The following SV2B variants were observed in gnomAD, a reference collection of about 807,000 sequenced individuals.
SV2B encodes the protein solute carrier family 22 member B2.
In SV2B, 41 loss-of-function variants were observed where a neutral mutation model predicts 73.9. The observed-to-expected ratio is 0.56, with a 90% confidence interval of 0.43 to 0.72. The LOEUF (loss-of-function observed/expected upper bound fraction) is 0.72. Among genes scored for constraint, SV2B ranks in the 30% least tolerant of loss-of-function variants. SV2B has a pLI of 0.00. For missense variants in SV2B, 764 were observed against 857.8 expected, an observed-to-expected ratio of 0.89 and a Z score of 1.37; for synonymous variants, 314 against 314.2, an observed-to-expected ratio of 1.00 and a Z score of 0.01.
rs1484096553 is a variant in SV2B, at chr15:91,252,095, A to G, written c.632+96A>G. The G allele has an allele frequency of 8.2e-6, 12 of 1,467,924 alleles. No homozygotes were observed. Among genetic ancestry groups the G allele is most frequent in the Non-Finnish European group, 1.1e-5 (12 of 1,091,244 alleles). The allele number at this position is 1,467,924 out of a possible 1,614,324, so 90.9% of individuals were successfully genotyped here. ...AAGAGGTAACTCTAGAAACCCTTGG[A>G]CTGACTGAGTTTTTGTTTGACTTTC... On this transcript the variant is annotated intron_variant, in intron 3 of 12. Coordinates refer to ENST00000394232, the MANE Select transcript of SV2B (RefSeq NM_001323032.3). This position sits in a 1 kb window ranked among gnomAD's most constrained non-coding sequence, Gnocchi z 4.6.
chr15:91,111,947 G>C (rs1189810160), intron 1 of SV2B, among the ~76,000 whole-genome samples: 3 of 152,004 alleles, frequency 2.0e-5, no homozygotes, highest in African/African-American at 7.3e-5. Flanking sequence ...CAGCACCAAG[G>C]GAATGGTGCC....
intron 9 of SV2B, among the ~76,000 whole-genome samples, chr15:91,271,682 T>C (rs1325977604): frequency 6.6e-6 from 1 of 152,176 alleles, no homozygotes; most frequent in Admixed American, 6.5e-5. Flanking sequence ...ATTTTTCTCC[T>C]TGACTGGTTA....
At chr15:91,173,366 C>T (rs2044191725) in intron 1 of SV2B, among the ~76,000 whole-genome samples, 1 of 152,178 alleles carries the variant, frequency 6.6e-6, no homozygotes. Flanking sequence ...GGATTTGATT[C>T]TTGCTGCGTT....
chr15:91,292,522 G>A lies in SV2B; in HGVS notation c.2022G>A (p.Leu674=), dbSNP rs778360782. 10 of 1,613,942 alleles carry A rather than the reference G, an allele frequency of 6.2e-6. No individual in the cohort carries two copies. The highest frequency in any genetic ancestry group is 6.8e-6 in the Non-Finnish European group (8 of 1,179,976). ...LVGGGLIALR[L]PETREQVLM The stretch of plus-strand genomic sequence containing the variant: ...GGGGTGGCCTGATTGCCCTTCGACT[G>A]CCAGAGACTCGAGAACAGGTCCTGA... The change falls in exon 13 of 13, where the codon CTG becomes CTA. Residue 674 remains leucine, a synonymous_variant. Coordinates refer to ENST00000394232, the MANE Select transcript of SV2B (RefSeq NM_001323032.3).
intron 1 of SV2B, among the ~76,000 whole-genome samples, chr15:91,204,858 C>T (rs555060688): frequency 1.3e-5 from 2 of 152,010 alleles, no homozygotes; most frequent in African/African-American, 4.8e-5. Context: ...ACCTGGCCCA[C>T]GTACTTTCTT....
chr15:91,262,227 TA>T (rs1260968391), intron 6 of SV2B, among the ~76,000 whole-genome samples: 1 of 152,176 alleles, frequency 6.6e-6, no homozygotes. Flanking sequence ...TATATGTGGC[TA>T]TTGTAAGGAT....
rs2049106444 is a variant in SV2B at position 91,293,181 on chromosome 15, T to C, written c.*629T>C. The C allele has an allele frequency of 6.6e-6, 1 of 152,240 alleles. No individual in the cohort carries two copies. The highest frequency in any genetic ancestry group is 1.5e-5 in the Non-Finnish European group (1 of 68,044). 9.4% of individuals were successfully genotyped at this position (152,240 alleles called of 1,614,324 possible). A position where few individuals can be genotyped will look rare whatever the true frequency, so the allele number is the denominator to read the frequency against. ...TTTCCATGATAATTAGGTAATACAT[T>C]TAAGAAGGATATTTATTTCTGTTTT... On this transcript the variant is annotated 3_prime_UTR_variant, in exon 13 of 13. Transcript: ENST00000394232.
Position 91,232,398 on chromosome 15 carries a change from CAGA to C in SV2B, c.451+5685_451+5687del, listed in dbSNP as rs1341645017. ...GACTTAAAATGAAGGGCTCCCTTAG[CAGA>C]CGTACACGGATTGCTGTGTTTAGGA... On this transcript the variant is annotated intron_variant, in intron 2 of 12. Transcript: ENST00000394232. The surrounding 1 kb of genome is among the most constrained non-coding windows in gnomAD (Gnocchi z 4.7). Among the ~76,000 whole-genome samples the C allele has an allele frequency of 6.6e-6, 1 of 152,190 alleles. No homozygotes were observed. The highest frequency in any genetic ancestry group is 1.5e-5 in the Non-Finnish European group (1 of 68,024).
chr15:91,168,735 C>G (rs2044010119), intron 1 of SV2B, among the ~76,000 whole-genome samples: 1 of 152,146 alleles, frequency 6.6e-6, no homozygotes, highest in African/African-American at 2.4e-5. Flanking sequence ...CCCCAGCATG[C>G]CTGCTATTAC....
chr15:91,296,719 C>T lies in SV2B; in HGVS notation c.*4167C>T, dbSNP rs144459654. The T allele has an allele frequency of 2.2e-3, 311 of 143,934 alleles. 1 individual carries two copies. Among genetic ancestry groups the T allele is most frequent in the African/African-American group, 7.4e-3 (276 of 37,140 alleles). 8.9% of individuals were successfully genotyped at this position (143,934 alleles called of 1,614,324 possible). Reference sequence around the variant, plus strand: ...CTCCTTCTGCCTGATCATGGGCACACGCTCCTTCTGCCCGATCATGGGCAC... The same window carrying T: ...CTCCTTCTGCCTGATCATGGGCACATGCTCCTTCTGCCCGATCATGGGCAC... On this transcript the variant is annotated 3_prime_UTR_variant, in exon 13 of 13. Coordinates refer to ENST00000394232, the MANE Select transcript of SV2B (RefSeq NM_001323032.3).
intron 1 of SV2B, chr15:91,101,816 T>G (rs1596400129): frequency 6.6e-6 from 1 of 152,132 alleles, no homozygotes; most frequent in Non-Finnish European, 1.5e-5. Context: ...TAGACCCCAG[T>G]AGACACAGGC....
chr15:91,200,164 A>T (rs2045409704), intron 1 of SV2B, among the ~76,000 whole-genome samples: 1 of 152,224 alleles, frequency 6.6e-6, no homozygotes, highest in African/African-American at 2.4e-5. Context: ...CCAAAAGGTA[A>T]GGTTTCCACT....
rs143346718 is a variant in SV2B, at chr15:91,166,225, C to T, written c.-391-59648C>T. 1.4e-3 allele frequency among the ~76,000 whole-genome samples: 212 copies of T among 152,164 alleles called. 8 individuals are homozygous for T. Among genetic ancestry groups the T allele is most frequent in the Admixed American group, 0.01 (160 of 15,274 alleles). ...ATTAGGTACCAATAGCAGTCCACTCCCAATGTGAGAAAAATTAAAAAGTTG... is the reference window on the plus strand; with the variant it reads ...ATTAGGTACCAATAGCAGTCCACTCTCAATGTGAGAAAAATTAAAAAGTTG... On this transcript the variant is annotated intron_variant, in intron 1 of 12. Transcript: ENST00000394232.
intron 1 of SV2B, among the ~76,000 whole-genome samples, chr15:91,169,424 C>CA (rs1480162523): frequency 1.4e-5 from 2 of 147,930 alleles, no homozygotes; most frequent in Non-Finnish European, 2.9e-5. Flanking sequence ...ACAGCCCCCC[C>CA]ATCCCCCACC....
chr15:91,179,091 T>C (rs2044445543), intron 1 of SV2B, among the ~76,000 whole-genome samples: 1 of 152,084 alleles, frequency 6.6e-6, no homozygotes, highest in South Asian at 2.1e-4. Flanking sequence ...TGGTATGTTG[T>C]GTCTTTGTTC....
At chr15:91,160,342 C>G (rs2043667515) in intron 1 of SV2B, among the ~76,000 whole-genome samples, 1 of 152,206 alleles carries the variant, frequency 6.6e-6, no homozygotes, top group South Asian at 2.1e-4. Context: ...TGGGCAGTGG[C>G]TCATGCCTGT....
At chr15:91,200,517 A>C (rs1356883974) in intron 1 of SV2B, among the ~76,000 whole-genome samples, 1 of 152,182 alleles carries the variant, frequency 6.6e-6, no homozygotes, top group Non-Finnish European at 1.5e-5. Flanking sequence ...TGGGTCTTAC[A>C]TGGTTGTGGT....
At chr15:91,166,095 C>G (rs1414284276) in intron 1 of SV2B, among the ~76,000 whole-genome samples, 2 of 152,078 alleles carry the variant, frequency 1.3e-5, no homozygotes, top group Non-Finnish European at 2.9e-5. Context: ...TTGTTGTTCC[C>G]TTAATATCAG....
At position 91,261,445 on chromosome 15, in the gene SV2B, T is replaced by C. The variant is rs1197442606; in HGVS notation, c.1008+1036T>C. Among the ~76,000 whole-genome samples, 4 of 152,226 alleles carry C rather than the reference T, an allele frequency of 2.6e-5. No homozygotes were observed. The highest frequency in any genetic ancestry group is 4.1e-4 in the South Asian group (2 of 4,832). On this transcript the variant is annotated intron_variant, in intron 6 of 12. Transcript: ENST00000394232. The surrounding 1 kb of genome is among the most constrained non-coding windows in gnomAD (Gnocchi z 4.7). ...AAACATTAACATGGTTTTCCTAACA[T>C]GTCTCTAATGTTAGAAGCTTGTTTA...
Sources: allele counts gnomAD v4.1 joint callset (sites outside exome capture counted in the v4.1 genomes callset), GRCh38; gene constraint gnomAD v4.1.1; non-coding constraint Gnocchi (gnomAD v3.1); transcripts MANE v1.5; gene names NCBI Gene and HGNC (gene_info 2026-07-23, HGNC 2026-07-21).